Variants in DNM3 observed in about 807,000 individuals in gnomAD.
DNM3 encodes dynamin-3.
In DNM3, 47 loss-of-function variants were observed where a neutral mutation model predicts 101.6. The ratio of observed to expected loss-of-function variants is 0.46; its 90% CI spans 0.37 to 0.59. DNM3 has a LOEUF of 0.59. DNM3 is among the 20% of genes least tolerant of loss of function. The pLI, the probability that DNM3 is intolerant of heterozygous loss-of-function variation, is 0.00. For synonymous variants in DNM3, 385 were observed against 387.9 expected, an observed-to-expected ratio of 0.99 and a Z score of 0.09; for missense variants, 849 against 1,085.7, an observed-to-expected ratio of 0.78 and a Z score of 3.06.
At chr1:172,179,631 T>G (rs2059274195) in intron 14 of DNM3, among the ~76,000 whole-genome samples, 1 of 151,824 alleles carries the variant, frequency 6.6e-6, no homozygotes, top group Non-Finnish European at 1.5e-5. Flanking sequence ...ATTTTAATGA[T>G]GCTATGCCGG....
chr1:172,224,842 G>A (rs192238393), intron 14 of DNM3, among the ~76,000 whole-genome samples: 1 of 152,138 alleles, frequency 6.6e-6, no homozygotes, highest in Non-Finnish European at 1.5e-5. Flanking sequence ...GTTAAAGCAG[G>A]GTGCGAGCCC....
chr1:172,387,322 C>T lies in DNM3; in HGVS notation c.2248C>T (p.Pro750Ser), dbSNP rs753067456. ...AGCCACCGTGTCCACTCCGGCACCC[C>T]CTCCAGTGGATGACTCCTGGATACA... ...STATVSTPAPPPVDDSWIQHS... is the reference protein window; with the variant it reads ...STATVSTPAPSPVDDSWIQHS... The change falls in exon 19 of 21, where the codon CCT (proline) becomes TCT (serine). Residue 750 changes from proline (P) to serine (S), a missense_variant. Transcript: ENST00000627582. 13 of 1,613,684 alleles carry T rather than the reference C, an allele frequency of 8.1e-6. No homozygotes were observed. The highest frequency in any genetic ancestry group is 1.1e-5 in the Non-Finnish European group (13 of 1,179,836).
At chr1:171,936,144 G>A (rs892234993) in intron 2 of DNM3, among the ~76,000 whole-genome samples, 1 of 151,888 alleles carries the variant, frequency 6.6e-6, no homozygotes, top group African/African-American at 2.4e-5. Flanking sequence ...ATTACTTGAG[G>A]TCAGAAGTTT....
Position 172,411,106 on chromosome 1 carries a change from A to T in DNM3, c.*3265A>T. 1.0e-6 allele frequency: 1 copy of T among 983,902 alleles called. No individual in the cohort carries two copies. The allele number at this position is 983,902 out of a possible 1,614,324, so 60.9% of individuals were successfully genotyped here. A position where few individuals can be genotyped will look rare whatever the true frequency, so the allele number is the denominator to read the frequency against. On this transcript the variant is annotated 3_prime_UTR_variant, in exon 21 of 21. Coordinates refer to ENST00000627582, the MANE Select transcript of DNM3 (RefSeq NM_015569.5). Reference sequence around the variant, plus strand: ...TGTGTATATATATAAATATATGTATATGTATGGTTGTAAATATCTATGTAT... The same window carrying T: ...TGTGTATATATATAAATATATGTATTTGTATGGTTGTAAATATCTATGTAT...
intron 4 of DNM3, among the ~76,000 whole-genome samples, chr1:172,005,285 A>T (rs1441940305): frequency 6.6e-6 from 1 of 152,078 alleles, no homozygotes; most frequent in East Asian, 1.9e-4. Context: ...TAAACTATAT[A>T]AAAGTGTTAC....
At chr1:172,119,443 A>T (rs2056154985) in intron 13 of DNM3, among the ~76,000 whole-genome samples, 1 of 151,954 alleles carries the variant, frequency 6.6e-6, no homozygotes, top group East Asian at 1.9e-4. Flanking sequence ...TTATTGAGAC[A>T]TTCTCTTTCA....
chr1:172,285,034 C>A (rs1003562864), intron 15 of DNM3, among the ~76,000 whole-genome samples: 1 of 152,076 alleles, frequency 6.6e-6, no homozygotes, highest in Non-Finnish European at 1.5e-5. Context: ...GGAATAGAGG[C>A]AACAATGCAT....
chr1:172,214,968 A>G (rs78235012), intron 14 of DNM3, among the ~76,000 whole-genome samples: 6 of 152,150 alleles, frequency 3.9e-5, no homozygotes, highest in Non-Finnish European at 7.4e-5. Context: ...AAATATTCAC[A>G]TATGTTAACG....
chr1:172,092,843 C>G lies in DNM3; in HGVS notation c.1513C>G (p.Gln505Glu). The change falls in exon 13 of 21, where the codon CAG (glutamine) becomes GAG (glutamate). Residue 505 changes from glutamine (Q) to glutamate (E), a missense_variant. By Grantham distance (29) the Gln-to-Glu change is conservative (BLOSUM62 2). Around this residue, in one of 5 missense-constraint regions of DNM3, gnomAD observed 193 missense variants for 238.4 expected, o/e 0.81. Coordinates refer to ENST00000627582, the MANE Select transcript of DNM3 (RefSeq NM_015569.5). ...GFANAQQRSS[Q>E]VHKKTTVGNQ... is the part of the protein sequence containing the mutation. ...TCTCAGTGCTCAGCAGAGGAGCAGTCAGGTTCACAAGAAAACCACAGTTGG... is the reference window on the plus strand; with the variant it reads ...TCTCAGTGCTCAGCAGAGGAGCAGTGAGGTTCACAAGAAAACCACAGTTGG... 1 of 1,559,486 alleles carries G rather than the reference C, an allele frequency of 6.4e-7. No individual in the cohort carries two copies. The highest frequency in any genetic ancestry group is 1.4e-5 in the African/African-American group (1 of 73,588).
chr1:171,905,516 T>G (rs2038746613), intron 1 of DNM3, among the ~76,000 whole-genome samples: 1 of 152,152 alleles, frequency 6.6e-6, no homozygotes, highest in African/African-American at 2.4e-5. Context: ...TGGAGAAATT[T>G]GATATGCATG....
intron 14 of DNM3, among the ~76,000 whole-genome samples, chr1:172,196,330 C>T (rs78382623): frequency 5.9e-5 from 9 of 151,906 alleles, no homozygotes; most frequent in African/African-American, 2.2e-4. Context: ...AGATTTATTC[C>T]GTGTCTTTGC....
chr1:172,414,902 T>TAA (rs138381362), downstream of DNM3, among the ~76,000 whole-genome samples: 4 of 119,286 alleles, frequency 3.4e-5, no homozygotes, highest in African/African-American at 6.9e-5. Context: ...ACCTCATCTC[T>TAA]AAAAAAAAAA....
At chr1:172,222,276 A>G (rs1236571719) in intron 14 of DNM3, among the ~76,000 whole-genome samples, 1 of 152,220 alleles carries the variant, frequency 6.6e-6, no homozygotes, top group South Asian at 2.1e-4. Context: ...CGATGGATAT[A>G]TGATCCAAGC....
chr1:171,865,692 G>T (rs2034671506), intron 1 of DNM3, among the ~76,000 whole-genome samples: 1 of 152,124 alleles, frequency 6.6e-6, no homozygotes, highest in Non-Finnish European at 1.5e-5. Flanking sequence ...TGATCACTTA[G>T]ACAGTTTTGT....
At chr1:171,963,657 T>C (rs1211239226) in intron 2 of DNM3, among the ~76,000 whole-genome samples, 1 of 151,990 alleles carries the variant, frequency 6.6e-6, no homozygotes, top group Non-Finnish European at 1.5e-5. Context: ...TCTGGTCAAT[T>C]TCTCTGTGAA....
intron 15 of DNM3, among the ~76,000 whole-genome samples, chr1:172,267,656 A>G (rs2148734258): frequency 6.6e-6 from 1 of 152,230 alleles, no homozygotes; most frequent in East Asian, 1.9e-4. Flanking sequence ...AGCTACACTA[A>G]GCATTCTAAA....
At chr1:172,001,593 C>G (rs182122911) in intron 4 of DNM3, among the ~76,000 whole-genome samples, 1 of 151,912 alleles carries the variant, frequency 6.6e-6, no homozygotes, top group Non-Finnish European at 1.5e-5. Context: ...ATCCCTTTCA[C>G]GGTGATTTAT....
chr1:172,412,757 A>T, downstream of DNM3: 2 of 984,594 alleles, frequency 2.0e-6, no homozygotes, highest in Non-Finnish European at 2.4e-6. Flanking sequence ...AGTCATGTCT[A>T]TGCCTTTCAG....
intron 2 of DNM3, among the ~76,000 whole-genome samples, chr1:171,949,089 C>G (rs897426325): frequency 2.6e-5 from 4 of 152,068 alleles, no homozygotes; most frequent in African/African-American, 9.7e-5. Context: ...TGAGATAAAT[C>G]ACTTCCCTAT....
Sources: gnomAD v4.1 joint callset for allele counts (sites outside exome capture counted in the v4.1 genomes callset) on GRCh38, gnomAD v4.1.1 for gene constraint, gnomAD v4.1.1 regional missense constraint, MANE v1.5 for transcripts, NCBI Gene and HGNC (gene_info 2026-07-23, HGNC 2026-07-21) for gene names.